CAMK2D: variants seen among roughly 807,000 people sequenced by gnomAD.
CAMK2D encodes calcium/calmodulin-dependent protein kinase type II subunit delta.
CAMK2D carries 37 observed loss-of-function variants against 84.0 expected under a neutral mutation model. That is an observed-to-expected ratio of 0.44 (90% CI 0.34 to 0.58). CAMK2D has a LOEUF of 0.58. Ranked by LOEUF, CAMK2D falls within the 20% of genes least tolerant of loss-of-function variation. The probability of loss-of-function intolerance (pLI) is 0.02; values close to 1 mark genes in which losing one functional copy is unlikely to be tolerated. For missense variants in CAMK2D, 448 were observed against 652.5 expected (o/e 0.69, Z 3.41); for synonymous variants, 202 against 212.5 (o/e 0.95, Z 0.43).
At chr4:113,675,315 A>T (rs549336268) in intron 2 of CAMK2D, among the ~76,000 whole-genome samples, 10 of 152,334 alleles carry the variant, frequency 6.6e-5, no homozygotes, top group Non-Finnish European at 1.5e-5. Flanking sequence ...TTTCCTAGGC[A>T]TATATATAAC....
At chr4:113,538,016 G>T (rs1453856892) in intron 6 of CAMK2D, among the ~76,000 whole-genome samples, 3 of 151,894 alleles carry the variant, frequency 2.0e-5, no homozygotes, top group Non-Finnish European at 4.4e-5. Flanking sequence ...CTGTCTTTAA[G>T]AATCTGTTTA....
At chr4:113,558,487 T>C (rs1445574796) in intron 4 of CAMK2D, among the ~76,000 whole-genome samples, 7 of 152,190 alleles carry the variant, frequency 4.6e-5, no homozygotes, top group Admixed American at 1.3e-4. Context: ...ATCAAAAATA[T>C]AGTATTCAAA....
At chr4:113,523,607 T>G (rs1237059983) in intron 8 of CAMK2D, among the ~76,000 whole-genome samples, 1 of 151,844 alleles carries the variant, frequency 6.6e-6, no homozygotes, top group East Asian at 1.9e-4. Flanking sequence ...ACCCTGTCTC[T>G]ACAAAAAGTA....
At chr4:113,638,828 A>C (rs2099120313) in intron 3 of CAMK2D, among the ~76,000 whole-genome samples, 2 of 152,320 alleles carry the variant, frequency 1.3e-5, no homozygotes, top group South Asian at 4.1e-4. Context: ...CAATTGTGGT[A>C]AGGTGGAATT....
intron 4 of CAMK2D, 66 bp downstream of exon 4, chr4:113,609,086 A>G: frequency 1.2e-6 from 1 of 858,814 alleles, no homozygotes; most frequent in South Asian, 1.4e-5. Flanking sequence ...ACAGTGAGAA[A>G]AATCATTAAT....
chr4:113,496,696 G>A (rs2097938752), intron 16 of CAMK2D, among the ~76,000 whole-genome samples: 1 of 151,932 alleles, frequency 6.6e-6, no homozygotes, highest in Admixed American at 6.6e-5. Context: ...GGATCTGCCT[G>A]CCTCAGCCTC....
intron 2 of CAMK2D, among the ~76,000 whole-genome samples, chr4:113,752,268 CT>C (rs1233542964): frequency 6.6e-6 from 1 of 151,478 alleles, no homozygotes; most frequent in African/African-American, 2.4e-5. Context: ...TGCAATAAAA[CT>C]TTTAACATTC....
intron 3 of CAMK2D, among the ~76,000 whole-genome samples, chr4:113,632,137 T>A (rs2099092238): frequency 6.6e-6 from 1 of 152,190 alleles, no homozygotes. Flanking sequence ...AGGTTCCTGA[T>A]CTAAGTGGAA....
chr4:113,657,205 C>T (rs1159950746), intron 3 of CAMK2D, among the ~76,000 whole-genome samples: 6 of 152,148 alleles, frequency 3.9e-5, no homozygotes, highest in Admixed American at 3.9e-4. Flanking sequence ...TCGGCTTTAA[C>T]TGGTGTCTGG....
At chr4:113,673,747 C>G (rs886348299) in intron 2 of CAMK2D, among the ~76,000 whole-genome samples, 1 of 152,220 alleles carries the variant, frequency 6.6e-6, no homozygotes. Context: ...CATACACCCC[C>G]TGGTGCAAGG....
At chr4:113,612,652 CA>C (rs2154269220) in intron 3 of CAMK2D, among the ~76,000 whole-genome samples, 1 of 152,244 alleles carries the variant, frequency 6.6e-6, no homozygotes, top group Admixed American at 6.5e-5. Context: ...ATGAGAAAAA[CA>C]TTTGAGAAAA....
chr4:113,761,505 G>C lies in CAMK2D; in HGVS notation c.-437C>G. ...AGCAGAGGGGAGGGAGTCCGAGGGG[G>C]CGGAGGTGGAGTGCAGCGGGGCCGA... On this transcript the variant is annotated 5_prime_UTR_variant, in exon 1 of 21. Transcript: ENST00000511664. 2 of 1,040,118 alleles carry C rather than the reference G, an allele frequency of 1.9e-6. No homozygotes were observed. The highest frequency in any genetic ancestry group is 2.3e-6 in the Non-Finnish European group (2 of 862,218). 64.4% of individuals were successfully genotyped at this position (1,040,118 alleles called of 1,614,324 possible).
intron 3 of CAMK2D, among the ~76,000 whole-genome samples, chr4:113,640,746 AAT>A (rs143507677): frequency 0.037 from 5,646 of 152,264 alleles, 293 homozygotes; most frequent in East Asian, 0.11. Flanking sequence ...AGGAAATGAC[AAT>A]AGAGTGCTTC....
intron 2 of CAMK2D, among the ~76,000 whole-genome samples, chr4:113,720,364 T>TCCCACACA (rs1491434615): frequency 1.9e-5 from 2 of 105,944 alleles, no homozygotes; most frequent in African/African-American, 8.1e-5. Context: ...ACAATCACAT[T>TCCCACACA]CTCACACACA....
chr4:113,724,043 C>T (rs940348630), intron 2 of CAMK2D, among the ~76,000 whole-genome samples: 1 of 151,776 alleles, frequency 6.6e-6, no homozygotes, highest in Non-Finnish European at 1.5e-5. Context: ...ATTTGCATTC[C>T]TGATATTAAC....
At chr4:113,647,431 A>G (rs1230994108) in intron 3 of CAMK2D, among the ~76,000 whole-genome samples, 1 of 152,256 alleles carries the variant, frequency 6.6e-6, no homozygotes, top group African/African-American at 2.4e-5. Flanking sequence ...CCAGAAGTAA[A>G]TCAAATAATG....
At chr4:113,522,370 T>TA (rs2098371979) in intron 8 of CAMK2D, among the ~76,000 whole-genome samples, 1 of 152,208 alleles carries the variant, frequency 6.6e-6, no homozygotes. Flanking sequence ...ACATGAGTGA[T>TA]AAGTATGGCT....
chr4:113,711,630 C>G (rs1316571176), intron 2 of CAMK2D, among the ~76,000 whole-genome samples: 8 of 152,030 alleles, frequency 5.3e-5, no homozygotes, highest in East Asian at 3.9e-4. Flanking sequence ...ATGGAACTAG[C>G]CTTTATGTTG....
At chr4:113,672,519 G>A (rs189396076) in intron 2 of CAMK2D, among the ~76,000 whole-genome samples, 1 of 152,128 alleles carries the variant, frequency 6.6e-6, no homozygotes, top group Admixed American at 6.5e-5. Context: ...AGATGTTTCG[G>A]TTTAAGTACT....
Sources: allele counts gnomAD v4.1 joint callset (sites outside exome capture counted in the v4.1 genomes callset), GRCh38; gene constraint gnomAD v4.1.1; transcripts MANE v1.5; gene names NCBI Gene and HGNC (gene_info 2026-07-23, HGNC 2026-07-21).